The following ZFPM2 variants were observed in gnomAD, a reference collection of about 807,000 sequenced individuals.
ZFPM2 encodes zinc finger protein, FOG family member 2.
ZFPM2 carries 20 observed loss-of-function variants against 98.6 expected under a neutral mutation model. The ratio of observed to expected loss-of-function variants is 0.20; its 90% CI spans 0.14 to 0.29. The LOEUF (loss-of-function observed/expected upper bound fraction) is 0.29. Ranked by LOEUF, ZFPM2 falls within the 10% of genes least tolerant of loss-of-function variation. The probability of loss-of-function intolerance (pLI) is 1.00; values close to 1 mark genes in which losing one functional copy is unlikely to be tolerated. For missense variants in ZFPM2, 1,310 were observed against 1,388.6 expected, an observed-to-expected ratio of 0.94 and a Z score of 0.90; for synonymous variants, 518 against 502.7, an observed-to-expected ratio of 1.03 and a Z score of -0.41.
intron 1 of ZFPM2, among the ~76,000 whole-genome samples, chr8:105,381,582 T>C (rs1341083216): frequency 6.6e-6 from 1 of 152,120 alleles, no homozygotes; most frequent in Non-Finnish European, 1.5e-5. Flanking sequence ...TTCCCCATAG[T>C]TCCCTCATTG....
intron 1 of ZFPM2, among the ~76,000 whole-genome samples, chr8:105,402,756 C>A (rs1811366518): frequency 6.6e-6 from 1 of 151,958 alleles, no homozygotes; most frequent in African/African-American, 2.4e-5. Context: ...AGTTTGTGGT[C>A]CCTACAAATT....
At chr8:105,533,231 T>C (rs1157992699) in intron 3 of ZFPM2, among the ~76,000 whole-genome samples, 2 of 152,164 alleles carry the variant, frequency 1.3e-5, no homozygotes, top group African/African-American at 4.8e-5. Context: ...CATATAATTC[T>C]CATAAACATA....
intron 3 of ZFPM2, among the ~76,000 whole-genome samples, chr8:105,458,180 A>G (rs1488271380): frequency 6.6e-6 from 1 of 152,212 alleles, no homozygotes; most frequent in Non-Finnish European, 1.5e-5. Context: ...TAGGCCGTAT[A>G]TTAGGTGTAG....
intron 5 of ZFPM2, among the ~76,000 whole-genome samples, chr8:105,674,425 G>A (rs115323884): frequency 0.013 from 1,963 of 152,298 alleles, 35 homozygotes; most frequent in African/African-American, 0.044. Context: ...AAGCATAGCC[G>A]TAATCCAGCC....
intron 3 of ZFPM2, among the ~76,000 whole-genome samples, chr8:105,509,478 TG>T (rs1399653782): frequency 2.0e-5 from 3 of 152,188 alleles, no homozygotes; most frequent in African/African-American, 4.8e-5. Flanking sequence ...TTGCTCGTAA[TG>T]TTTTTTTGCA....
intron 3 of ZFPM2, among the ~76,000 whole-genome samples, chr8:105,465,861 C>T (rs971946908): frequency 2.6e-5 from 4 of 151,894 alleles, no homozygotes; most frequent in African/African-American, 9.7e-5. Context: ...AATAAATACA[C>T]ATTTCTTAAG....
At chr8:105,530,264 ATCT>A (rs888762320) in intron 3 of ZFPM2, among the ~76,000 whole-genome samples, 13 of 152,090 alleles carry the variant, frequency 8.5e-5, no homozygotes, top group African/African-American at 3.1e-4. Flanking sequence ...AACTTTCATA[ATCT>A]TTATGAAAAT....
At chr8:105,574,921 T>C (rs1484703787) in intron 4 of ZFPM2, among the ~76,000 whole-genome samples, 1 of 149,856 alleles carries the variant, frequency 6.7e-6, no homozygotes, top group Non-Finnish European at 1.5e-5. Flanking sequence ...CAAGTACATG[T>C]TAAATTCAGC....
chr8:105,751,104 A>G (rs1161895210), intron 5 of ZFPM2, among the ~76,000 whole-genome samples: 1 of 152,032 alleles, frequency 6.6e-6, no homozygotes, highest in East Asian at 1.9e-4. Flanking sequence ...TGTGAAGAGG[A>G]AAAATATTTT....
rs112812358 is a variant in ZFPM2, at chr8:105,741,808, T to A, written c.533-46910T>A. Among the ~76,000 whole-genome samples, 373 of 152,170 alleles carry A rather than the reference T, an allele frequency of 2.5e-3. 3 individuals carry two copies. The highest frequency in any genetic ancestry group is 8.3e-3 in the African/African-American group (343 of 41,560). On this transcript the variant is annotated intron_variant, in intron 5 of 7. Transcript: ENST00000407775. ...TTGTGTTTTCCTTCAGCTAGTGCAC[T>A]GCCAGTTGTAAATACAAAGTAGGCA...
chr8:105,785,893 T>C (rs187027522), intron 5 of ZFPM2, among the ~76,000 whole-genome samples: 1 of 151,924 alleles, frequency 6.6e-6, no homozygotes, highest in African/African-American at 2.4e-5. Flanking sequence ...ATACAAAAAA[T>C]TAGCTGCGCG....
rs1563546914 is a variant in ZFPM2 at position 105,746,654 on chromosome 8, A to ATTTTTTTTTTTTTTTTTTT, written c.533-42064_533-42063insTTTTTTTTTTTTTTTTTTT. Among the ~76,000 whole-genome samples the ATTTTTTTTTTTTTTTTTTT allele has an allele frequency of 4.5e-5, 5 of 112,046 alleles. 2 individuals are homozygous for ATTTTTTTTTTTTTTTTTTT. The allele number at this position is 112,046 out of a possible 152,430, so 73.5% of individuals were successfully genotyped here. On this transcript the variant is annotated intron_variant, in intron 5 of 7. Coordinates refer to ENST00000407775, the MANE Select transcript of ZFPM2 (RefSeq NM_012082.4). ...TGCGTTTTCTTGTTCTGTTTTTAAA[A>ATTTTTTTTTTTTTTTTTTT]ATTTTTTTTTTTTTTTTTTTTTTGG...
At chr8:105,710,373 T>C (rs959873248) in intron 5 of ZFPM2, among the ~76,000 whole-genome samples, 1 of 152,150 alleles carries the variant, frequency 6.6e-6, no homozygotes, top group Non-Finnish European at 1.5e-5. Context: ...TATGGTAAAT[T>C]GCCCATTGGC....
At chr8:105,494,348 C>A (rs377711458) in intron 3 of ZFPM2, among the ~76,000 whole-genome samples, 5 of 151,306 alleles carry the variant, frequency 3.3e-5, no homozygotes, top group Non-Finnish European at 7.4e-5. Flanking sequence ...ACGCTTAAGA[C>A]CCAGGTGTCA....
At chr8:105,725,341 A>G (rs767975403) in intron 5 of ZFPM2, among the ~76,000 whole-genome samples, 81 of 151,952 alleles carry the variant, frequency 5.3e-4, no homozygotes, top group Admixed American at 8.5e-4. Flanking sequence ...TCTCTGATAC[A>G]TATTGCAAAT....
intron 3 of ZFPM2, among the ~76,000 whole-genome samples, chr8:105,478,572 A>C (rs543840103): frequency 6.6e-6 from 1 of 152,212 alleles, no homozygotes; most frequent in African/African-American, 2.4e-5. Context: ...TTTGTCACTC[A>C]TCCTTGTAGT....
chr8:105,642,122 GA>G (rs1358018686), intron 5 of ZFPM2, among the ~76,000 whole-genome samples: 1 of 152,048 alleles, frequency 6.6e-6, no homozygotes, highest in Admixed American at 6.6e-5. Context: ...TTTGTCAGTT[GA>G]AATGAGGGAC....
chr8:105,800,533 T>G (rs1376826925), intron 7 of ZFPM2, among the ~76,000 whole-genome samples: 1 of 152,040 alleles, frequency 6.6e-6, no homozygotes, highest in South Asian at 2.1e-4. Context: ...AAGATTATAT[T>G]AATTACTTTA....
chr8:105,735,031 C>A (rs1171428364), intron 5 of ZFPM2, among the ~76,000 whole-genome samples: 1 of 149,042 alleles, frequency 6.7e-6, no homozygotes, highest in Non-Finnish European at 1.5e-5. Flanking sequence ...AAAGTTATTG[C>A]AGTTTTGCAT....
Sources: gnomAD v4.1 joint callset for allele counts (sites outside exome capture counted in the v4.1 genomes callset) on GRCh38, gnomAD v4.1.1 for gene constraint, MANE v1.5 for transcripts, NCBI Gene and HGNC (gene_info 2026-07-23, HGNC 2026-07-21) for gene names.